Variants in PARD6G observed in about 807,000 individuals in gnomAD.
PARD6G encodes the protein par-6 family cell polarity regulator gamma, also known as partitioning defective 6 homolog gamma.
In PARD6G, 7 loss-of-function variants were observed where a neutral mutation model predicts 10.7. The ratio of observed to expected loss-of-function variants is 0.66; its 90% CI spans 0.37 to 1.23. The LOEUF (loss-of-function observed/expected upper bound fraction) is 1.23, where lower values mean the gene tolerates loss of function less well. PARD6G is among the 50% of genes most tolerant of loss of function. The pLI, the probability that PARD6G is intolerant of heterozygous loss-of-function variation, is 0.02. For synonymous variants in PARD6G, 287 were observed against 269.4 expected, an observed-to-expected ratio of 1.07 and a Z score of -0.64; for missense variants, 548 against 571.8, an observed-to-expected ratio of 0.96 and a Z score of 0.42.
chr18:80,221,481 G>A (rs938622389), intron 1 of PARD6G, among the ~76,000 whole-genome samples: 1 of 152,056 alleles, frequency 6.6e-6, no homozygotes, highest in Non-Finnish European at 1.5e-5. Context: ...GATACAAAAA[G>A]AGCATTTGAC....
chr18:80,164,522 T>G (rs563862299), intron 2 of PARD6G, among the ~76,000 whole-genome samples: 9 of 152,332 alleles, frequency 5.9e-5, no homozygotes, highest in South Asian at 2.1e-4. Context: ...AGGATGAAAC[T>G]GGGGGGTCCT....
intron 2 of PARD6G, among the ~76,000 whole-genome samples, chr18:80,197,040 T>G (rs979562768): frequency 9.2e-5 from 14 of 151,906 alleles, no homozygotes; most frequent in African/African-American, 3.1e-4. Flanking sequence ...CATAAGCACA[T>G]GGACACAGTG....
chr18:80,185,618 CCACACA>C lies in PARD6G; in HGVS notation c.295+17086_295+17091del, dbSNP rs1004705845. On this transcript the variant is annotated intron_variant, in intron 2 of 2. Coordinates refer to ENST00000353265, the MANE Select transcript of PARD6G (RefSeq NM_032510.4). ...AAGGGACACGCACATGCTCCCACAC[CCACACA>C]CACATGCACCCTCACACACGCATAT... Among the ~76,000 whole-genome samples the C allele has an allele frequency of 4.6e-5, 7 of 151,746 alleles. No homozygotes were observed. The South Asian group carries it at 1.2e-3, about 27-fold the overall frequency.
chr18:80,185,170 G>C (rs1225252076), intron 2 of PARD6G, among the ~76,000 whole-genome samples: 1 of 152,200 alleles, frequency 6.6e-6, no homozygotes, highest in Non-Finnish European at 1.5e-5. Context: ...TACAGTCTAA[G>C]GGGAGTTACC....
chr18:80,231,586 T>C lies in PARD6G; in HGVS notation c.72+15691A>G, dbSNP rs1486676677. ...CCTGTACTGGCTGTGTAACTCTGGA[T>C]AATTTATTCAACTTCTCTGATCCTG... On this transcript the variant is annotated intron_variant, in intron 1 of 2. Transcript: ENST00000353265. The surrounding 1 kb of genome is among the most constrained non-coding windows in gnomAD (Gnocchi z 4.2). 6.6e-6 allele frequency among the ~76,000 whole-genome samples: 1 copy of C among 152,198 alleles called. No individual in the cohort carries two copies. Among genetic ancestry groups the C allele is most frequent in the Non-Finnish European group, 1.5e-5 (1 of 68,030 alleles).
chr18:80,201,089 C>A lies in PARD6G; in HGVS notation c.295+1621G>T, dbSNP rs953432574. On this transcript the variant is annotated intron_variant, in intron 2 of 2. Transcript: ENST00000353265. This position sits in a 1 kb window ranked among gnomAD's most constrained non-coding sequence, Gnocchi z 5.9. ...GGCACAGCCAGGAACACACCCCCAC[C>A]CTACGCTCCTGGTCGGGTGGAGACA... 6.6e-6 allele frequency among the ~76,000 whole-genome samples: 1 copy of A among 152,122 alleles called. No individual in the cohort carries two copies. Among genetic ancestry groups the A allele is most frequent in the Non-Finnish European group, 1.5e-5 (1 of 68,022 alleles).
chr18:80,165,696 A>G (rs917203168), intron 2 of PARD6G, among the ~76,000 whole-genome samples: 1 of 152,136 alleles, frequency 6.6e-6, no homozygotes. Context: ...CCCGCAATGG[A>G]TATGTCTTTG....
chr18:80,159,548 C>CA lies in PARD6G; in HGVS notation c.*222dup, dbSNP rs2145236951. 1.7e-6 allele frequency: 1 copy of CA among 593,052 alleles called. No homozygotes were observed. The highest frequency in any genetic ancestry group is 8.8e-5 in the South Asian group (1 of 11,344). 36.7% of individuals were successfully genotyped at this position (593,052 alleles called of 1,614,324 possible). On this transcript the variant is annotated 3_prime_UTR_variant, in exon 3 of 3. Transcript: ENST00000353265. ...TTGCAAAGGCGCCAAGACCTGCACTCAGGCCTGGTATAGAGTGTCTCTACA... is the reference window on the plus strand; with the variant it reads ...TTGCAAAGGCGCCAAGACCTGCACTCAAGGCCTGGTATAGAGTGTCTCTACA...
chr18:80,208,473 C>A (rs1009598367), intron 1 of PARD6G, among the ~76,000 whole-genome samples: 1 of 152,186 alleles, frequency 6.6e-6, no homozygotes, highest in Non-Finnish European at 1.5e-5. Flanking sequence ...GCAGGACTTA[C>A]AACAGGACGG....
intron 1 of PARD6G, among the ~76,000 whole-genome samples, chr18:80,230,281 T>G (rs1967343324): frequency 6.6e-6 from 1 of 152,264 alleles, no homozygotes; most frequent in Non-Finnish European, 1.5e-5. Flanking sequence ...TGTGCACATC[T>G]GTGCCCTGTA....
At position 80,180,127 on chromosome 18, in the gene PARD6G, G is replaced by A. The variant is rs764614058; in HGVS notation, c.296-19521C>T. ...GAAAAGTGGCACAGAGGCCTGGCTG[G>A]GTGAACCAGGGCCCGGGACGGGAAT... On this transcript the variant is annotated intron_variant, in intron 2 of 2. Coordinates refer to ENST00000353265, the MANE Select transcript of PARD6G (RefSeq NM_032510.4). The surrounding 1 kb of genome is among the most constrained non-coding windows in gnomAD (Gnocchi z 5.6). Among the ~76,000 whole-genome samples the A allele has an allele frequency of 6.6e-6, 1 of 152,246 alleles. No homozygotes were observed. The highest frequency in any genetic ancestry group is 1.5e-5 in the Non-Finnish European group (1 of 68,042).
chr18:80,193,601 C>T (rs1277656001), intron 2 of PARD6G, among the ~76,000 whole-genome samples: 2 of 152,076 alleles, frequency 1.3e-5, no homozygotes, highest in Non-Finnish European at 2.9e-5. Context: ...TACTTAATGC[C>T]CCTAAACTAT....
At chr18:80,176,852 C>A (rs2052810754) in intron 2 of PARD6G, among the ~76,000 whole-genome samples, 1 of 152,062 alleles carries the variant, frequency 6.6e-6, no homozygotes, top group African/African-American at 2.4e-5. Context: ...AAACAGGATA[C>A]ACACACATGC....
intron 1 of PARD6G, among the ~76,000 whole-genome samples, chr18:80,205,108 C>G (rs1450667181): frequency 6.6e-6 from 1 of 152,146 alleles, no homozygotes; most frequent in African/African-American, 2.4e-5. Context: ...CGGCTGCACC[C>G]TGGAAGGGGC....
chr18:80,228,242 G>C lies in PARD6G; in HGVS notation c.72+19035C>G, dbSNP rs1219969791. ...CACATCCCACGGGGGAGACGGCAGCGAGCAGAGAGACCCCAAGTGAAAACT... is the reference window on the plus strand; with the variant it reads ...CACATCCCACGGGGGAGACGGCAGCCAGCAGAGAGACCCCAAGTGAAAACT... On this transcript the variant is annotated intron_variant, in intron 1 of 2. Coordinates refer to ENST00000353265, the MANE Select transcript of PARD6G (RefSeq NM_032510.4). The surrounding 1 kb of genome is among the most constrained non-coding windows in gnomAD (Gnocchi z 4.6). 5.9e-5 allele frequency among the ~76,000 whole-genome samples: 9 copies of C among 152,160 alleles called. No individual in the cohort carries two copies. The South Asian group carries it at 1.9e-3, about 32-fold the overall frequency.
At chr18:80,165,383 A>T (rs1466105521) in intron 2 of PARD6G, among the ~76,000 whole-genome samples, 3 of 152,190 alleles carry the variant, frequency 2.0e-5, no homozygotes, top group Non-Finnish European at 2.9e-5. Flanking sequence ...CTGCAGACAG[A>T]CCTTATGGTT....
chr18:80,237,996 G>C (rs1021291636), intron 1 of PARD6G, among the ~76,000 whole-genome samples: 1 of 151,942 alleles, frequency 6.6e-6, no homozygotes, highest in East Asian at 1.9e-4. Flanking sequence ...CCCATTACTG[G>C]GTATATACCC....
rs374259518 is a variant in PARD6G at position 80,194,950 on chromosome 18, C to T, written c.295+7760G>A. Among the ~76,000 whole-genome samples the T allele has an allele frequency of 1.9e-4, 29 of 152,254 alleles. No homozygotes were observed. The South Asian group carries it at 4.4e-3, about 23-fold the overall frequency. On this transcript the variant is annotated intron_variant, in intron 2 of 2. Transcript: ENST00000353265. ...TGGGCCGACTGCTAGAGAACAGCAG[C>T]GCCACTGTTGCGTCTCACTGTGTGG...
intron 1 of PARD6G, among the ~76,000 whole-genome samples, chr18:80,238,833 G>A (rs962661308): frequency 2.6e-5 from 4 of 151,094 alleles, no homozygotes; most frequent in Admixed American, 6.6e-5. Flanking sequence ...GGAAAGGATC[G>A]GCTTGCTGGG....
Sources: gnomAD v4.1 joint callset for allele counts (sites outside exome capture counted in the v4.1 genomes callset) on GRCh38, gnomAD v4.1.1 for gene constraint, Gnocchi (gnomAD v3.1) non-coding constraint, MANE v1.5 for transcripts, NCBI Gene and HGNC (gene_info 2026-07-23, HGNC 2026-07-21) for gene names.